Variants in ZNF208 observed in about 807,000 individuals in gnomAD.
ZNF208 encodes zinc finger protein 95.
A neutral mutation model predicts 12.1 loss-of-function variants in ZNF208; 10 were observed. That is an observed-to-expected ratio of 0.83 (90% CI 0.51 to 1.40). The LOEUF (loss-of-function observed/expected upper bound fraction) is 1.40. Among genes scored for constraint, ZNF208 ranks in the 40% most tolerant of loss-of-function variants. ZNF208 has a pLI of 0.00. For synonymous variants in ZNF208, 497 were observed against 488.4 expected, an observed-to-expected ratio of 1.02 and a Z score of -0.23; for missense variants, 1,652 against 1,485.0, an observed-to-expected ratio of 1.11 and a Z score of -1.85.
In ZNF208 at chr19:21,973,100, G is replaced by A; in HGVS notation, c.1934C>T (p.Thr645Ile). The A allele has an allele frequency of 6.2e-7, 1 of 1,600,034 alleles. No homozygotes were observed. Among genetic ancestry groups the A allele is most frequent in the South Asian group, 1.1e-5 (1 of 89,910 alleles). The stretch of plus-strand genomic sequence containing the variant: ...AGTAAGGGTTGAGACCTTAATAAAG[G>A]TTTTGCCACATTCTTTACATTTGTA... Reference protein sequence around the residue: ...KPYKCKECGKTFIKVSTLTTH... With the variant: ...KPYKCKECGKIFIKVSTLTTH... The change falls in exon 4 of 4, where the codon ACC (threonine) becomes ATC (isoleucine). Residue 645 changes from threonine to isoleucine, a missense_variant. Transcript: ENST00000397126.
chr19:22,007,045 C>T (rs1218099264), intron 1 of ZNF208, among the ~76,000 whole-genome samples: 1 of 152,090 alleles, frequency 6.6e-6, no homozygotes, highest in Non-Finnish European at 1.5e-5. Flanking sequence ...ATTCACCCTG[C>T]AAGAAAAGAA....
intron 1 of ZNF208, 98 bp downstream of exon 1, chr19:22,010,694 G>T: frequency 6.3e-7 from 1 of 1,580,428 alleles, no homozygotes; most frequent in Non-Finnish European, 8.7e-7. Flanking sequence ...CAGATGTGGA[G>T]CTGACTGCGG....
intron 4 of ZNF208, among the ~76,000 whole-genome samples, chr19:21,956,575 TTCAATC>T (rs1468566321): frequency 1.3e-5 from 2 of 152,162 alleles, no homozygotes; most frequent in Non-Finnish European, 2.9e-5. Context: ...CACCTTGCAG[TTCAATC>T]TCAGACTGCT....
At position 21,967,788 on chromosome 19, in the gene ZNF208, G is replaced by A. The variant is rs535593582; in HGVS notation, c.*3403C>T. ...TTCTTTTTCTAATTCAATAAAAATC[G>A]TCATGGATAGTCTGATAAAAATAGC... On this transcript the variant is annotated 3_prime_UTR_variant, in exon 4 of 4. Coordinates refer to ENST00000397126, the MANE Select transcript of ZNF208 (RefSeq NM_007153.3). 6 of 152,152 alleles carry A rather than the reference G, an allele frequency of 3.9e-5. No individual in the cohort carries two copies. In the East Asian group the frequency reaches 5.8e-4, roughly 15 times the overall value. The allele number at this position is 152,152 out of a possible 1,614,324, so 9.4% of individuals were successfully genotyped here.
rs140752121 is a variant in ZNF208, at chr19:21,943,127, G to A, written c.306-9890C>T. On this transcript the variant is annotated intron_variant, in intron 4 of 4. Coordinates refer to the ZNF208 transcript ENST00000599916. Reference sequence around the variant, plus strand: ...AGGCACTTTTATAACCTTGCACCACGTAAGAAAAAAACTGCAATGCAGTAG... The same window carrying A: ...AGGCACTTTTATAACCTTGCACCACATAAGAAAAAAACTGCAATGCAGTAG... 5.9e-3 allele frequency among the ~76,000 whole-genome samples: 894 copies of A among 152,106 alleles called. 3 individuals are homozygous for A. The highest frequency in any genetic ancestry group is 9.3e-3 in the Non-Finnish European group (631 of 67,992).
At chr19:21,958,183 AAAAACT>A (rs1970007434) in intron 4 of ZNF208, among the ~76,000 whole-genome samples, 1 of 151,864 alleles carries the variant, frequency 6.6e-6, no homozygotes, top group African/African-American at 2.4e-5. Flanking sequence ...CTAACAAAAA[AAAAACT>A]AAAAGAAAGT....
chr19:21,996,889 A>G (rs1198140485), intron 1 of ZNF208, among the ~76,000 whole-genome samples: 1 of 152,248 alleles, frequency 6.6e-6, no homozygotes, highest in African/African-American at 2.4e-5. Flanking sequence ...AGAGGATGAT[A>G]GATACCAAGT....
chr19:21,986,980 G>GC, intron 3 of ZNF208: 2 of 496,250 alleles, frequency 4.0e-6, no homozygotes, highest in Non-Finnish European at 7.0e-6. Flanking sequence ...CAGTACTTTG[G>GC]CTGTCACTGT....
chr19:21,974,152 A>G lies in ZNF208; in HGVS notation c.882T>C (p.Phe294=), dbSNP rs766325875. 8.7e-6 allele frequency: 14 copies of G among 1,612,562 alleles called. No homozygotes were observed. Among genetic ancestry groups the G allele is most frequent in the Non-Finnish European group, 1.0e-5 (12 of 1,179,302 alleles). The change falls in exon 4 of 4, where the codon TTT becomes TTC. Residue 294 remains phenylalanine (F), a synonymous_variant. Coordinates refer to ENST00000397126, the MANE Select transcript of ZNF208 (RefSeq NM_007153.3). The part of the protein sequence containing the change: ...PNKCEECGKA[F]SKVSTLTTHK... ...GTGTAGTAAGAGTCGAGACCTTACT[A>G]AAGGCTTTGCCACATTCTTCACATT...
intron 1 of ZNF208, among the ~76,000 whole-genome samples, chr19:21,996,680 G>A (rs1970840396): frequency 1.3e-5 from 2 of 152,196 alleles, no homozygotes; most frequent in African/African-American, 2.4e-5. Context: ...ATTTTAGCAT[G>A]AGGAGGGAGG....
intron 4 of ZNF208, among the ~76,000 whole-genome samples, chr19:21,953,577 GA>G (rs946958676): frequency 6.6e-6 from 1 of 151,986 alleles, no homozygotes. Context: ...ATAACTGAAG[GA>G]AAAATAAAAT....
In ZNF208 at chr19:21,971,215, T is replaced by C; in HGVS notation, c.3819A>G (p.Lys1273=). Residue 1273 remains lysine, a synonymous_variant, in exon 4 of 4, where the codon AAA becomes AAG. Coordinates refer to ENST00000397126, the MANE Select transcript of ZNF208 (RefSeq NM_007153.3). ...SWLSVFSKHK[K]IHTGEKL ...TCTAGAGTTTCTCTCCAGTATGAAT[T>C]TTCTTATGTTTACTGAAGACTGATA... 1 of 1,612,004 alleles carries C rather than the reference T, an allele frequency of 6.2e-7. No individual in the cohort carries two copies. Among genetic ancestry groups the C allele is most frequent in the Non-Finnish European group, 8.5e-7 (1 of 1,179,646 alleles).
chr19:21,960,571 C>G (rs901570958), intron 4 of ZNF208, among the ~76,000 whole-genome samples: 1 of 151,624 alleles, frequency 6.6e-6, no homozygotes, highest in African/African-American at 2.4e-5. Flanking sequence ...TCTTAGCAAG[C>G]CTTGCAGGGA....
chr19:21,941,941 G>A (rs186839416), intron 4 of ZNF208, among the ~76,000 whole-genome samples: 144 of 152,136 alleles, frequency 9.5e-4, no homozygotes, highest in African/African-American at 3.1e-3. Flanking sequence ...TCTAAGATTG[G>A]TATACACAAA....
chr19:22,002,591 C>T (rs1322623004), intron 1 of ZNF208, among the ~76,000 whole-genome samples: 1 of 151,792 alleles, frequency 6.6e-6, no homozygotes, highest in Non-Finnish European at 1.5e-5. Flanking sequence ...CAATCCCATT[C>T]ACAACTGCCA....
chr19:21,943,747 T>C (rs113719525), intron 4 of ZNF208, among the ~76,000 whole-genome samples: 4,508 of 152,166 alleles, frequency 0.03, 222 homozygotes, highest in African/African-American at 0.1. Context: ...TATAATGATA[T>C]CAACTATGAG....
chr19:21,945,688 A>G (rs1395056980), intron 4 of ZNF208, among the ~76,000 whole-genome samples: 1 of 152,204 alleles, frequency 6.6e-6, no homozygotes, highest in East Asian at 1.9e-4. Context: ...AAAATGATTT[A>G]TATGGAAGTA....
In ZNF208 at chr19:21,973,249, A is replaced by C; in HGVS notation, c.1785T>G (p.Ile595Met). 6.2e-7 allele frequency: 1 copy of C among 1,607,392 alleles called. No homozygotes were observed. The highest frequency in any genetic ancestry group is 8.5e-7 in the Non-Finnish European group (1 of 1,178,090). Residue 595 changes from isoleucine (I) to methionine (M), a missense_variant, in exon 4 of 4, where the codon ATT (isoleucine) becomes ATG (methionine). Physicochemically the swap from Ile to Met is conservative, Grantham distance 10 (BLOSUM62 1). Coordinates refer to ENST00000397126, the MANE Select transcript of ZNF208 (RefSeq NM_007153.3). ...TATGAATTCTCTTATGTTTAATAAG[A>C]ATTGCAGATTGGTTAAAAGCTTTGC... ...ECGKAFNQSA[I>M]LIKHKRIHTG...
At chr19:21,940,322 A>T (rs1040396762) in intron 4 of ZNF208, 2 of 152,206 alleles carry the variant, frequency 1.3e-5, no homozygotes, top group African/African-American at 2.4e-5. Flanking sequence ...TTTAGTTGAT[A>T]GAATCAAATC....
Sources: allele counts gnomAD v4.1 joint callset (sites outside exome capture counted in the v4.1 genomes callset), GRCh38; gene constraint gnomAD v4.1.1; transcripts MANE v1.5; gene names NCBI Gene and HGNC (gene_info 2026-07-23, HGNC 2026-07-21).